ITGAE: variants seen among roughly 807,000 people sequenced by gnomAD.
The protein encoded by ITGAE is integrin subunit alpha E.
In ITGAE, 99 loss-of-function variants were observed where a neutral mutation model predicts 136.5. That is an observed-to-expected ratio of 0.73 (90% CI 0.62 to 0.86). ITGAE has a LOEUF of 0.86. ITGAE is among the 40% of genes least tolerant of loss of function. The pLI is 0.00. For missense variants in ITGAE, 1,447 were observed against 1,515.3 expected, an observed-to-expected ratio of 0.95 and a Z score of 0.75; for synonymous variants, 613 against 591.8, an observed-to-expected ratio of 1.04 and a Z score of -0.52.
In ITGAE at chr17:3,777,676, G is replaced by T; in HGVS notation, c.35-16C>A. 6.3e-7 allele frequency: 1 copy of T among 1,597,938 alleles called. No homozygotes were observed. The highest frequency in any genetic ancestry group is 1.1e-5 in the South Asian group (1 of 90,250). Reference sequence around the variant, plus strand: ...AGGGCCAGGCCTGTAGGGAAAAGAGGAGCGTTTAATGAAAGAGGCCTTTTA... The same window carrying T: ...AGGGCCAGGCCTGTAGGGAAAAGAGTAGCGTTTAATGAAAGAGGCCTTTTA... On this transcript the variant is annotated splice_polypyrimidine_tract_variant and intron_variant, in intron 1 of 30. Transcript: ENST00000263087.
intron 27 of ITGAE, 30 bp downstream of exon 27, chr17:3,723,658 C>G: frequency 6.4e-7 from 1 of 1,560,610 alleles, no homozygotes; most frequent in South Asian, 1.2e-5. Flanking sequence ...CCTCCGCCCT[C>G]CCCTGGCCTC....
At position 3,758,470 on chromosome 17, in the gene ITGAE, T is replaced by G. The variant is rs183341631; in HGVS notation, c.867-611A>C. Reference sequence around the variant, plus strand: ...ATTTTTATTATTATTATTATTGAGATAGATGGAGTCTCGCTCTGTCACCCA... The same window carrying G: ...ATTTTTATTATTATTATTATTGAGAGAGATGGAGTCTCGCTCTGTCACCCA... On this transcript the variant is annotated intron_variant, in intron 8 of 30. Coordinates refer to ENST00000263087, the MANE Select transcript of ITGAE (RefSeq NM_002208.5). Among the ~76,000 whole-genome samples the G allele has an allele frequency of 3.5e-3, 525 of 147,924 alleles. 2 individuals carry two copies. Among genetic ancestry groups the G allele is most frequent in the Non-Finnish European group, 6.1e-3 (409 of 66,986 alleles).
At position 3,753,504 on chromosome 17, in the gene ITGAE, G is replaced by A. The variant is rs1397126639; in HGVS notation, c.1528-74C>T. The A allele has an allele frequency of 2.2e-5, 34 of 1,544,958 alleles. No homozygotes were observed. In the East Asian group the frequency reaches 5.0e-4, roughly 23 times the overall value. On this transcript the variant is annotated intron_variant, in intron 13 of 30. Coordinates refer to ENST00000263087, the MANE Select transcript of ITGAE (RefSeq NM_002208.5). ...CCTCAGCAAGGCTACACCCCTGCCCGCGTGCTTCCTGGACCACCCAATTTG... is the reference window on the plus strand; with the variant it reads ...CCTCAGCAAGGCTACACCCCTGCCCACGTGCTTCCTGGACCACCCAATTTG...
intron 26 of ITGAE, chr17:3,723,976 G>T: frequency 1.3e-6 from 2 of 1,577,964 alleles, no homozygotes; most frequent in Non-Finnish European, 1.7e-6. Context: ...CGGCTTTTCC[G>T]CACATATGGG....
rs927015670 is a variant in ITGAE, at chr17:3,723,856, A to AC, written c.3085-113dup. The AC allele has an allele frequency of 1.6e-4, 242 of 1,520,516 alleles. 2 individuals carry two copies. In the Admixed American group the frequency reaches 2.7e-3, roughly 17 times the overall value. 94.2% of individuals were successfully genotyped at this position (1,520,516 alleles called of 1,614,324 possible). A position where few individuals can be genotyped will look rare whatever the true frequency, so the allele number is the denominator to read the frequency against. On this transcript the variant is annotated intron_variant, in intron 26 of 30. Transcript: ENST00000263087. ...CGCATGCGCAGGGCCGGGAGCTAGG[A>AC]CCCCGCGGCAGGCGGGCGCGTCCGC... is the stretch of plus-strand genomic sequence containing the variant.
rs149318660 is a variant in ITGAE, at chr17:3,717,570, G to A, written c.3334-772C>T. 3.7e-3 allele frequency: 561 copies of A among 152,342 alleles called. 3 individuals are homozygous for A. The highest frequency in any genetic ancestry group is 0.013 in the African/African-American group (531 of 41,570). 9.4% of individuals were successfully genotyped at this position (152,342 alleles called of 1,614,324 possible). On this transcript the variant is annotated intron_variant, in intron 29 of 30. Transcript: ENST00000263087. ...GGCCAGAGGAAGTTCCCAGGACTTA[G>A]GTGGGGCCAGAGAGCCAACAAGACT...
At position 3,759,456 on chromosome 17, in the gene ITGAE, T is replaced by G. The variant is rs1188115925; in HGVS notation, c.812A>C (p.Asn271Thr). Residue 271 changes from asparagine (N) to threonine (T), a missense_variant, in exon 8 of 31, where the codon AAC becomes ACC. Around this residue, in one of 3 missense-constraint regions of ITGAE, gnomAD observed 310 missense variants for 416.1 expected, o/e 0.74. Coordinates refer to ENST00000263087, the MANE Select transcript of ITGAE (RefSeq NM_002208.5). ...GGTGACACTCCCCACTTGAGTGATG[T>G]TCTGGACTCTGGCGAGGGAGGCCAT... ...DVMASLARVQ[N>T]ITQVGSVTKT... 4.3e-6 allele frequency: 7 copies of G among 1,614,168 alleles called. No individual in the cohort carries two copies. Among genetic ancestry groups the G allele is most frequent in the Non-Finnish European group, 5.1e-6 (6 of 1,180,022 alleles).
Position 3,761,370 on chromosome 17 carries a change from G to A in ITGAE, c.433+33C>T, listed in dbSNP as rs765179077. On this transcript the variant is annotated intron_variant, in intron 5 of 30. Coordinates refer to ENST00000263087, the MANE Select transcript of ITGAE (RefSeq NM_002208.5). The stretch of plus-strand genomic sequence containing the variant: ...TGGAGACCAAGGAGATCTCTTTAGA[G>A]CTATCCAAGGCCAGTGAATGTCCAA... 7.6e-6 allele frequency: 12 copies of A among 1,588,098 alleles called. No individual in the cohort carries two copies. In the East Asian group the frequency reaches 2.7e-4, roughly 36 times the overall value.
At position 3,798,338 on chromosome 17, in the gene ITGAE, G is replaced by A. The variant is rs1019730870; in HGVS notation, c.34+2773C>T. ...CCTCTGCCCGCACCTCCAGGGCCCA[G>A]CATGTCCCGATTTGGGGCGGGGCTG... On this transcript the variant is annotated intron_variant, in intron 1 of 30. Coordinates refer to ENST00000263087, the MANE Select transcript of ITGAE (RefSeq NM_002208.5). This position sits in a 1 kb window ranked among gnomAD's most constrained non-coding sequence, Gnocchi z 4.3. 2.6e-5 allele frequency among the ~76,000 whole-genome samples: 4 copies of A among 152,158 alleles called. No individual in the cohort carries two copies. Among genetic ancestry groups the A allele is most frequent in the Non-Finnish European group, 5.9e-5 (4 of 68,018 alleles).
In ITGAE at chr17:3,734,846, T is replaced by TG. The variant is rs34281241; in HGVS notation, c.2625dup (p.Arg876GlnfsTer19). The stretch of plus-strand genomic sequence containing the variant: ...TGCATCCTCTTCAACTGCAGGTTTC[T>TG]GGGGTAATTCAAGGCCATGCTTGTC... On this transcript the variant is annotated frameshift_variant, in exon 21 of 31. Transcript: ENST00000263087. LOFTEE classifies it high-confidence loss of function. The TG allele has an allele frequency of 1.2e-4, 199 of 1,614,092 alleles. 1 individual carries two copies. The highest frequency in any genetic ancestry group is 1.5e-4 in the Non-Finnish European group (178 of 1,180,038).
At chr17:3,729,908 C>T (rs2143010036) in intron 23 of ITGAE, among the ~76,000 whole-genome samples, 1 of 152,040 alleles carries the variant, frequency 6.6e-6, no homozygotes, top group South Asian at 2.1e-4. Flanking sequence ...TTTTTAAGTT[C>T]CAGGGTACAT....
chr17:3,714,904 C>A lies in ITGAE; in HGVS notation c.3483G>T (p.Leu1161Phe). 3.1e-6 allele frequency: 5 copies of A among 1,610,688 alleles called. No individual in the cohort carries two copies. Among genetic ancestry groups the A allele is most frequent in the Non-Finnish European group, 4.2e-6 (5 of 1,178,664 alleles). ...FFKRKYQQLN[L>F]ESIRKAQLKS... ...TCAGCTGGGCCTTCCTGATGCTCTC[C>A]AAGTTCAGTTGTTGATATTTTCTTT... Residue 1161 changes from leucine (L) to phenylalanine (F), a missense_variant, in exon 31 of 31, where the codon TTG (leucine) becomes TTT (phenylalanine). This residue lies in a region of ITGAE where 1,031 missense variants were observed against 1,011.4 expected (regional missense o/e 1.02). Coordinates refer to ENST00000263087, the MANE Select transcript of ITGAE (RefSeq NM_002208.5).
chr17:3,748,517 G>A (rs1000334442), intron 16 of ITGAE, among the ~76,000 whole-genome samples: 2 of 152,162 alleles, frequency 1.3e-5, no homozygotes, highest in Non-Finnish European at 2.9e-5. Context: ...AACCTGGGAG[G>A]CGGAGGTTGC....
At chr17:3,743,895 GT>G (rs1469817649) in intron 18 of ITGAE, among the ~76,000 whole-genome samples, 7 of 151,250 alleles carry the variant, frequency 4.6e-5, no homozygotes, top group Non-Finnish European at 8.8e-5. Context: ...TAGAGACAGG[GT>G]TTCGCCATGT....
intron 17 of ITGAE, among the ~76,000 whole-genome samples, chr17:3,747,013 G>A (rs1471032256): frequency 6.6e-6 from 1 of 152,242 alleles, no homozygotes; most frequent in Non-Finnish European, 1.5e-5. Context: ...GCTCCTGAGA[G>A]ATTAAACCTC....
At chr17:3,721,286 T>TG (rs2051046123) in intron 28 of ITGAE, among the ~76,000 whole-genome samples, 1 of 141,442 alleles carries the variant, frequency 7.1e-6, no homozygotes, top group South Asian at 2.4e-4. Flanking sequence ...TTTTTTTTTT[T>TG]TTTGAGACAA....
chr17:3,736,819 G>T (rs1269572894), intron 20 of ITGAE, among the ~76,000 whole-genome samples: 1 of 152,114 alleles, frequency 6.6e-6, no homozygotes, highest in Non-Finnish European at 1.5e-5. Context: ...GGGATTACAG[G>T]CGTGAGCCAC....
chr17:3,784,910 T>C (rs866221169), intron 1 of ITGAE, among the ~76,000 whole-genome samples: 1 of 152,122 alleles, frequency 6.6e-6, no homozygotes, highest in Non-Finnish European at 1.5e-5. Flanking sequence ...GGCAGGCAGA[T>C]TGCTTAAGCT....
At chr17:3,763,731 T>A (rs2052228194) in intron 3 of ITGAE, 138 bp downstream of exon 3, 1 of 710,858 alleles carries the variant, frequency 1.4e-6, no homozygotes, top group Admixed American at 2.1e-5. Context: ...GGAATCTTGC[T>A]GTGGGTTATG....
Sources: gnomAD v4.1 joint callset for allele counts (sites outside exome capture counted in the v4.1 genomes callset) on GRCh38, gnomAD v4.1.1 for gene constraint, gnomAD v4.1.1 regional missense constraint, Gnocchi (gnomAD v3.1) non-coding constraint, MANE v1.5 for transcripts, NCBI Gene and HGNC (gene_info 2026-07-23, HGNC 2026-07-21) for gene names.